Variants in CNTN3 observed in about 807,000 individuals in gnomAD.
The protein encoded by CNTN3 is contactin 3, also known as contactin-3.
CNTN3 carries 60 observed loss-of-function variants against 119.1 expected under a neutral mutation model. The observed-to-expected ratio is 0.50, with a 90% CI of 0.41 to 0.62. The LOEUF is 0.62. Ranked by LOEUF, CNTN3 falls within the 20% of genes least tolerant of loss-of-function variation. CNTN3 has a pLI of 0.00. For synonymous variants in CNTN3, 450 were observed against 438.7 expected (o/e 1.03, Z -0.32); for missense variants, 1,101 against 1,242.4 (o/e 0.89, Z 1.71).
rs1422674679 is a variant in CNTN3, at chr3:74,451,447, T to C, written c.359-26507A>G. On this transcript the variant is annotated intron_variant, in intron 4 of 22. Transcript: ENST00000263665. ...TCAGATGAGTAGGTTGTGAAAATTT[T>C]CTCCCATTTTGTGGGTTGCCTGTTC... Among the ~76,000 whole-genome samples the C allele has an allele frequency of 3.3e-5, 5 of 152,280 alleles. No individual in the cohort carries two copies. The East Asian group carries it at 9.7e-4, about 29-fold the overall frequency.
chr3:74,446,080 T>G (rs1206221531), intron 4 of CNTN3, among the ~76,000 whole-genome samples: 1 of 152,156 alleles, frequency 6.6e-6, no homozygotes, highest in Non-Finnish European at 1.5e-5. Context: ...TTACATTCAT[T>G]CTTCTGGCTG....
chr3:74,284,324 C>A, intron 20 of CNTN3, among the ~76,000 whole-genome samples: 1 of 152,092 alleles, frequency 6.6e-6, no homozygotes, highest in South Asian at 2.1e-4. Flanking sequence ...GTTAGTTAAG[C>A]AAACATTTTT....
In CNTN3 at chr3:74,506,212, C is replaced by A. The variant is rs146607807; in HGVS notation, c.56-6427G>T. Among the ~76,000 whole-genome samples, 3 of 152,202 alleles carry A rather than the reference C, an allele frequency of 2.0e-5. No homozygotes were observed. In the East Asian group the frequency reaches 5.8e-4, roughly 29 times the overall value. ...TGGCACTTTGCTTTCATAAATTAATCGCAGAGTTTGATTTAAAGGTATGAT... is the reference window on the plus strand; with the variant it reads ...TGGCACTTTGCTTTCATAAATTAATAGCAGAGTTTGATTTAAAGGTATGAT... On this transcript the variant is annotated intron_variant, in intron 2 of 22. Coordinates refer to ENST00000263665, the MANE Select transcript of CNTN3 (RefSeq NM_020872.3).
intron 16 of CNTN3, 58 bp from the exon 17 acceptor site, chr3:74,299,996 A>G: frequency 9.2e-7 from 1 of 1,085,998 alleles, no homozygotes; most frequent in South Asian, 1.8e-5. Context: ...ATATTTATCT[A>G]AAAGATAATG....
chr3:74,454,336 C>T (rs1439120351), intron 4 of CNTN3, among the ~76,000 whole-genome samples: 3 of 140,618 alleles, frequency 2.1e-5, no homozygotes, highest in Non-Finnish European at 1.5e-5. Flanking sequence ...ATTGCAACCC[C>T]TGCCTTTTTT....
intron 20 of CNTN3, among the ~76,000 whole-genome samples, chr3:74,280,044 G>A (rs1027638448): frequency 6.6e-6 from 1 of 152,072 alleles, no homozygotes; most frequent in Non-Finnish European, 1.5e-5. Flanking sequence ...ATGGCTAAAT[G>A]TTTGAGGGGA....
At chr3:74,270,956 T>C (rs1419764236) in intron 20 of CNTN3, among the ~76,000 whole-genome samples, 1 of 152,210 alleles carries the variant, frequency 6.6e-6, no homozygotes, top group Non-Finnish European at 1.5e-5. Context: ...AGGATACACA[T>C]AATCATTTCA....
chr3:74,345,020 TG>T (rs919527041), intron 11 of CNTN3, among the ~76,000 whole-genome samples: 9 of 152,202 alleles, frequency 5.9e-5, no homozygotes, highest in African/African-American at 2.2e-4. Flanking sequence ...GCAACCCCTT[TG>T]TCTTAGCTGC....
intron 16 of CNTN3, 99 bp downstream of exon 16, chr3:74,301,299 T>C: frequency 2.4e-6 from 3 of 1,233,740 alleles, no homozygotes; most frequent in Non-Finnish European, 3.4e-6. Context: ...AACAATGGAT[T>C]ATTGAGGCTG....
chr3:74,491,249 C>T (rs1559630028), intron 3 of CNTN3, among the ~76,000 whole-genome samples: 1 of 151,952 alleles, frequency 6.6e-6, no homozygotes, highest in African/African-American at 2.4e-5. Flanking sequence ...GCCTGTAATC[C>T]TAGTACTTTG....
chr3:74,567,226 G>T (rs1429609670), intron 1 of CNTN3, among the ~76,000 whole-genome samples: 1 of 151,760 alleles, frequency 6.6e-6, no homozygotes, highest in African/African-American at 2.4e-5. Context: ...CTGCAGCCTT[G>T]ACTTCCCAGG....
At chr3:74,291,371 G>C (rs1702226910) in intron 19 of CNTN3, among the ~76,000 whole-genome samples, 1 of 152,190 alleles carries the variant, frequency 6.6e-6, no homozygotes, top group Non-Finnish European at 1.5e-5. Context: ...ACATGTGCAT[G>C]TGTCTTTATA....
At chr3:74,288,221 C>T (rs986347044) in intron 19 of CNTN3, among the ~76,000 whole-genome samples, 15 of 144,506 alleles carry the variant, frequency 1.0e-4, no homozygotes, top group Middle Eastern at 3.9e-3. Context: ...TATAGTGGCA[C>T]GATCTTGGCT....
At chr3:74,572,650 C>T (rs939836832) in intron 1 of CNTN3, among the ~76,000 whole-genome samples, 1 of 152,198 alleles carries the variant, frequency 6.6e-6, no homozygotes, top group East Asian at 1.9e-4. Flanking sequence ...TTCTCTGTAA[C>T]AGCCAGGAAA....
chr3:74,305,440 A>C (rs1455688133), intron 13 of CNTN3, among the ~76,000 whole-genome samples: 1 of 152,156 alleles, frequency 6.6e-6, no homozygotes, highest in Non-Finnish European at 1.5e-5. Flanking sequence ...GCTGTCTACC[A>C]AAAGACATTT....
At chr3:74,304,821 T>A (rs594166) in intron 13 of CNTN3, among the ~76,000 whole-genome samples, 55,472 of 152,008 alleles carry the variant, frequency 0.36, 11,474 homozygotes, top group East Asian at 0.72. Context: ...ACAAGTAGAA[T>A]TGGAAATGAT....
chr3:74,332,556 T>G (rs1703290415), intron 13 of CNTN3, among the ~76,000 whole-genome samples: 1 of 152,234 alleles, frequency 6.6e-6, no homozygotes, highest in Admixed American at 6.5e-5. Flanking sequence ...AACTCGAATG[T>G]TTTTAACTCC....
At chr3:74,463,131 T>C (rs1027977329) in intron 4 of CNTN3, among the ~76,000 whole-genome samples, 2 of 152,136 alleles carry the variant, frequency 1.3e-5, no homozygotes, top group African/African-American at 4.8e-5. Context: ...AGTAATCTAA[T>C]CGTTGGTTCA....
intron 5 of CNTN3, among the ~76,000 whole-genome samples, chr3:74,419,409 A>G (rs1051074125): frequency 6.7e-6 from 1 of 148,532 alleles, no homozygotes; most frequent in Non-Finnish European, 1.5e-5. Context: ...AAAAAAAAAT[A>G]AAGATGCTGA....
Sources: gnomAD v4.1 joint callset for allele counts (sites outside exome capture counted in the v4.1 genomes callset) on GRCh38, gnomAD v4.1.1 for gene constraint, MANE v1.5 for transcripts, NCBI Gene and HGNC (gene_info 2026-07-23, HGNC 2026-07-21) for gene names.